The following LRTM3 variants were observed in gnomAD, a reference collection of about 807,000 sequenced individuals.
The protein encoded by LRTM3 is leucine-rich repeat transmembrane protein 3.
chr13:102,750,587 A>T, the LRTM3 span, among the ~76,000 whole-genome samples: 2 of 152,192 alleles, frequency 1.3e-5, no homozygotes, highest in Non-Finnish European at 2.9e-5. Context: ...GAAAAAGTGA[A>T]GTAAATCAAT....
At chr13:102,734,523 G>A in the LRTM3 span, 5 of 1,551,158 alleles carry the variant, frequency 3.2e-6, no homozygotes, top group South Asian at 1.2e-5. Flanking sequence ...ATACAGGAAC[G>A]AGGTGACTTC....
chr13:102,741,828 C>T, the LRTM3 span: 849 of 1,550,370 alleles, frequency 5.5e-4, 4 homozygotes, highest in African/African-American at 9.1e-3. Context: ...AGTTCTTCAT[C>T]TGTTCTAATT....
the LRTM3 span, chr13:102,733,553 G>A: frequency 6.4e-7 from 1 of 1,551,170 alleles, no homozygotes; most frequent in Non-Finnish European, 8.7e-7. Context: ...CATTATTTCA[G>A]TGTCTTCTTC....
chr13:102,735,826 A>G, the LRTM3 span: 1 of 1,542,826 alleles, frequency 6.5e-7, no homozygotes, highest in South Asian at 1.2e-5. Context: ...CATTCCTTCT[A>G]GTGTCACAAT....
the LRTM3 span, chr13:102,746,936 A>G: frequency 1.3e-6 from 2 of 1,551,216 alleles, no homozygotes; most frequent in Middle Eastern, 1.7e-4. Context: ...TAGTTCCATT[A>G]TGGGAGAAAC....
chr13:102,751,342 T>C, the LRTM3 span, among the ~76,000 whole-genome samples: 5 of 142,114 alleles, frequency 3.5e-5, no homozygotes, highest in South Asian at 4.7e-4. Context: ...TCTCTCTTTA[T>C]ACACACACAC....
chr13:102,745,169 T>A, the LRTM3 span: 6 of 1,550,900 alleles, frequency 3.9e-6, no homozygotes, highest in Non-Finnish European at 5.2e-6. Flanking sequence ...AAAGTCAAGA[T>A]CCTTCCCCTG....
the LRTM3 span, chr13:102,739,779 T>C: frequency 3.9e-6 from 6 of 1,549,206 alleles, no homozygotes; most frequent in Middle Eastern, 1.7e-4. Flanking sequence ...ATTGTTTCTT[T>C]ATTCAATTTG....
chr13:102,735,196 C>A, the LRTM3 span: 53 of 1,551,124 alleles, frequency 3.4e-5, no homozygotes, highest in Non-Finnish European at 4.5e-5. Flanking sequence ...GTAAGACAGG[C>A]GATTTCTTTG....
chr13:102,735,080 G>A, the LRTM3 span: 1,622 of 1,551,248 alleles, frequency 1.0e-3, 1 homozygote, highest in Non-Finnish European at 1.3e-3. Context: ...GGAGGATCTA[G>A]AAGGACTCTT....
chr13:102,743,127 C>T, the LRTM3 span: 1 of 1,550,460 alleles, frequency 6.4e-7, no homozygotes, highest in Non-Finnish European at 8.7e-7. Flanking sequence ...TAGAATGGAT[C>T]CATTTCTGTA....
chr13:102,731,206 T>C, the LRTM3 span: 1 of 1,551,354 alleles, frequency 6.4e-7, no homozygotes, highest in African/African-American at 1.4e-5. Context: ...CAACAATCAG[T>C]GTCTTCATAT....
At chr13:102,738,717 T>G in the LRTM3 span, 2 of 1,550,744 alleles carry the variant, frequency 1.3e-6, no homozygotes, top group Non-Finnish European at 1.7e-6. Context: ...ATTTTTATTC[T>G]CATGGCTTCC....
the LRTM3 span, among the ~76,000 whole-genome samples, chr13:102,756,686 A>C: frequency 2.6e-5 from 3 of 115,840 alleles, no homozygotes; most frequent in East Asian, 6.5e-4. Flanking sequence ...AAAAAAAAAA[A>C]AAAAAAAAAC....
the LRTM3 span, chr13:102,738,350 T>G: frequency 6.4e-7 from 1 of 1,550,982 alleles, no homozygotes; most frequent in Non-Finnish European, 8.7e-7. Flanking sequence ...TTCTGGAAGA[T>G]AGTATCTTGT....
the LRTM3 span, chr13:102,749,549 A>C: frequency 6.4e-7 from 1 of 1,551,250 alleles, no homozygotes; most frequent in Non-Finnish European, 8.7e-7. Context: ...CAGGCCCTTT[A>C]CTGAATATTT....
chr13:102,739,168 ATC>A, the LRTM3 span: 2 of 1,549,904 alleles, frequency 1.3e-6, no homozygotes, highest in South Asian at 2.4e-5. Flanking sequence ...GATTACTTTC[ATC>A]TTCCTGCGTC....
the LRTM3 span, chr13:102,744,021 A>G: frequency 2.0e-5 from 31 of 1,550,350 alleles, no homozygotes; most frequent in East Asian, 6.4e-4. Flanking sequence ...GCTGTATTGT[A>G]TAAGAGTTTA....
At chr13:102,753,215 A>G in the LRTM3 span, among the ~76,000 whole-genome samples, 34 of 152,142 alleles carry the variant, frequency 2.2e-4, no homozygotes, top group African/African-American at 8.0e-4. Flanking sequence ...CCAAACTAAC[A>G]TAGGAACAGA....
Sources: allele counts gnomAD v4.1 joint callset (sites outside exome capture counted in the v4.1 genomes callset), GRCh38; gene constraint gnomAD v4.1.1; transcripts MANE v1.5; gene names NCBI Gene and HGNC (gene_info 2026-07-23, HGNC 2026-07-21).